The following PSD3 variants were observed in gnomAD, a reference collection of about 807,000 sequenced individuals.
PSD3 encodes PH and SEC7 domain-containing protein 3.
A neutral mutation model predicts 105.5 loss-of-function variants in PSD3; 49 were observed. The observed-to-expected ratio is 0.46, with a 90% CI of 0.37 to 0.59. PSD3 has a LOEUF of 0.59. Among genes scored for constraint, PSD3 ranks in the 20% least tolerant of loss-of-function variants. The pLI is 0.00. For synonymous variants in PSD3, 557 were observed against 457.8 expected (o/e 1.22, Z -2.77); for missense variants, 1,561 against 1,263.8 (o/e 1.24, Z -3.57).
chr8:18,676,238 C>T (rs993312909), intron 9 of PSD3, among the ~76,000 whole-genome samples: 1 of 152,120 alleles, frequency 6.6e-6, no homozygotes, highest in Non-Finnish European at 1.5e-5. Flanking sequence ...CATGGAAGTT[C>T]TCAAACACCT....
At chr8:18,691,461 G>A (rs1331356774) in intron 9 of PSD3, among the ~76,000 whole-genome samples, 1 of 152,124 alleles carries the variant, frequency 6.6e-6, no homozygotes, top group African/African-American at 2.4e-5. Context: ...GAAGCTACAG[G>A]GCCTTCCGGA....
intron 1 of PSD3, among the ~76,000 whole-genome samples, chr8:18,978,368 G>A (rs1342501914): frequency 6.6e-6 from 1 of 152,180 alleles, no homozygotes; most frequent in Non-Finnish European, 1.5e-5. Context: ...ACTATGTCCA[G>A]CTCTGAGTAA....
chr8:18,923,637 T>C (rs1821173119), intron 2 of PSD3, among the ~76,000 whole-genome samples: 1 of 152,162 alleles, frequency 6.6e-6, no homozygotes, highest in Non-Finnish European at 1.5e-5. Flanking sequence ...AAAAACAGGC[T>C]AAGCCATAGA....
At chr8:18,955,209 C>T (rs1434297306) in intron 1 of PSD3, among the ~76,000 whole-genome samples, 1 of 152,144 alleles carries the variant, frequency 6.6e-6, no homozygotes, top group African/African-American at 2.4e-5. Flanking sequence ...TCTGAAGGGG[C>T]AGCACCACAC....
Position 18,872,199 on chromosome 8 carries a change from G to A in PSD3, c.665C>T (p.Thr222Ile), listed in dbSNP as rs1228789764. 6.2e-7 allele frequency: 1 copy of A among 1,614,190 alleles called. No individual in the cohort carries two copies. Among genetic ancestry groups the A allele is most frequent in the South Asian group, 1.1e-5 (1 of 91,088 alleles). Residue 222 changes from threonine (T) to isoleucine (I), a missense_variant, in exon 3 of 16, where the codon ACT (threonine) becomes ATT (isoleucine). By Grantham distance (89) the Thr-to-Ile change is moderately conservative (BLOSUM62 -1). Transcript: ENST00000327040. ...SIQKDLTALL[T>I]GDTQAEISQI... is the part of the protein sequence containing the mutation. ...GGAAATCTCTGCCTGAGTGTCTCCA[G>A]TTAACAGCGCGGTGAGATCTTTCTG...
At chr8:18,682,192 T>C (rs935113174) in intron 9 of PSD3, among the ~76,000 whole-genome samples, 5 of 152,118 alleles carry the variant, frequency 3.3e-5, no homozygotes, top group Admixed American at 1.3e-4. Flanking sequence ...GCCTAAATTA[T>C]CATGAGGATA....
chr8:19,083,234 C>T (rs193051389), intron 1 of PSD3, among the ~76,000 whole-genome samples: 2 of 152,216 alleles, frequency 1.3e-5, no homozygotes, highest in African/African-American at 2.4e-5. Context: ...TAGCAAGATG[C>T]CCACACTGTG....
Position 18,544,640 on chromosome 8 carries a change from A to G in PSD3, c.2929-8682T>C, listed in dbSNP as rs971171043. Among the ~76,000 whole-genome samples, 21 of 152,018 alleles carry G rather than the reference A, an allele frequency of 1.4e-4. 1 individual carries two copies. The highest frequency in any genetic ancestry group is 3.3e-4 in the Admixed American group (5 of 15,258). ...TCTCTAAATGAACTCTGTGACTTTC[A>G]TTTTTTTAAAAATTAAACATTAAAA... is the stretch of plus-strand genomic sequence containing the variant. On this transcript the variant is annotated intron_variant, in intron 15 of 15. Coordinates refer to ENST00000327040, the MANE Select transcript of PSD3 (RefSeq NM_015310.4).
intron 13 of PSD3, among the ~76,000 whole-genome samples, chr8:18,574,917 G>A (rs528499114): frequency 1.1e-4 from 17 of 152,066 alleles, no homozygotes; most frequent in South Asian, 2.1e-4. Context: ...AAAGTCAAAG[G>A]GCTACTTTGT....
At chr8:18,842,259 A>G (rs1814688616) in intron 4 of PSD3, among the ~76,000 whole-genome samples, 1 of 152,230 alleles carries the variant, frequency 6.6e-6, no homozygotes, top group Non-Finnish European at 1.5e-5. Flanking sequence ...CCATAAACCC[A>G]AGGCAGCTGA....
Position 18,867,804 on chromosome 8 carries a change from G to A in PSD3, c.1504C>T (p.Gln502Ter). The change falls in exon 4 of 16, where the codon CAG becomes TAG. Residue 502 changes from glutamine to a stop codon, truncating the protein, a stop_gained. Transcript: ENST00000327040. LOFTEE classifies it high-confidence loss of function. Reference protein sequence around the residue: ...FLERTSGGGHQDILSVSADGG... With the variant: ...FLERTSGGGH ...TCTGCAGACACACTCAGGATATCCTGATGTCCTCCCCCTGATGTCCTCTCC... is the reference window on the plus strand; with the variant it reads ...TCTGCAGACACACTCAGGATATCCTAATGTCCTCCCCCTGATGTCCTCTCC... 6.2e-7 allele frequency: 1 copy of A among 1,614,128 alleles called. No homozygotes were observed. The highest frequency in any genetic ancestry group is 8.5e-7 in the Non-Finnish European group (1 of 1,180,002).
At chr8:18,612,358 T>C (rs1805326954) in intron 11 of PSD3, among the ~76,000 whole-genome samples, 2 of 149,056 alleles carry the variant, frequency 1.3e-5, no homozygotes, top group African/African-American at 5.0e-5. Context: ...AGAACACCGC[T>C]TTAACGTTAC....
At chr8:18,912,763 C>T (rs960613120) in intron 2 of PSD3, among the ~76,000 whole-genome samples, 3 of 152,088 alleles carry the variant, frequency 2.0e-5, no homozygotes, top group Non-Finnish European at 2.9e-5. Flanking sequence ...CAGGTGGGAC[C>T]CTATTGCTTC....
chr8:18,838,863 A>C (rs1343678896), intron 4 of PSD3, among the ~76,000 whole-genome samples: 1 of 150,148 alleles, frequency 6.7e-6, no homozygotes, highest in Non-Finnish European at 1.5e-5. Flanking sequence ...TCAAGAAAAA[A>C]GTAAGACTTC....
intron 9 of PSD3, among the ~76,000 whole-genome samples, chr8:18,672,809 T>G (rs867787026): frequency 6.6e-5 from 10 of 152,302 alleles, no homozygotes; most frequent in African/African-American, 2.4e-4. Flanking sequence ...GTATAAAGTC[T>G]TGGAAGAGAT....
intron 14 of PSD3, among the ~76,000 whole-genome samples, chr8:18,571,775 T>C (rs1336814400): frequency 6.6e-6 from 1 of 152,212 alleles, no homozygotes; most frequent in African/African-American, 2.4e-5. Context: ...TCGATCATAG[T>C]AAGATAAAAC....
chr8:18,742,565 T>G (rs1563215915), intron 9 of PSD3, among the ~76,000 whole-genome samples: 1 of 152,244 alleles, frequency 6.6e-6, no homozygotes, highest in South Asian at 2.1e-4. Context: ...TAATCATAGA[T>G]AGCTTTTGTG....
intron 11 of PSD3, among the ~76,000 whole-genome samples, chr8:18,613,478 C>A (rs1483149893): frequency 6.6e-6 from 1 of 152,140 alleles, no homozygotes; most frequent in African/African-American, 2.4e-5. Flanking sequence ...CTAATAAATT[C>A]CACTTGTCAC....
Position 18,964,355 on chromosome 8 carries a change from C to A in PSD3, c.22-28213G>T, listed in dbSNP as rs146349381. Reference sequence around the variant, plus strand: ...CCCAAACTGGTCTCAAACTCATGGGCTCGAGTGATCCTCCCACCTAGGCCT... The same window carrying A: ...CCCAAACTGGTCTCAAACTCATGGGATCGAGTGATCCTCCCACCTAGGCCT... On this transcript the variant is annotated intron_variant, in intron 1 of 15. Coordinates refer to ENST00000327040, the MANE Select transcript of PSD3 (RefSeq NM_015310.4). Among the ~76,000 whole-genome samples the A allele has an allele frequency of 2.1e-4, 32 of 152,234 alleles. No homozygotes were observed. In the East Asian group the frequency reaches 5.0e-3, roughly 24 times the overall value.
Sources: allele counts gnomAD v4.1 joint callset (sites outside exome capture counted in the v4.1 genomes callset), GRCh38; gene constraint gnomAD v4.1.1; transcripts MANE v1.5; gene names NCBI Gene and HGNC (gene_info 2026-07-23, HGNC 2026-07-21).